The following RNF182 variants were observed in gnomAD, a reference collection of about 807,000 sequenced individuals.
RNF182 encodes the protein ring finger protein 182, also known as E3 ubiquitin-protein ligase RNF182.
RNF182 carries 15 observed loss-of-function variants against 14.4 expected under a neutral mutation model. The ratio of observed to expected loss-of-function variants is 1.04; its 90% CI spans 0.70 to 1.60. The LOEUF is 1.60. Among genes scored for constraint, RNF182 ranks in the 40% most tolerant of loss-of-function variants. The pLI, the probability that RNF182 is intolerant of heterozygous loss-of-function variation, is 0.00. For synonymous variants in RNF182, 128 were observed against 122.9 expected (o/e 1.04, Z -0.27); for missense variants, 268 against 294.8 (o/e 0.91, Z 0.67).
At chr6:13,930,964 C>T (rs1758954372) in intron 1 of RNF182, among the ~76,000 whole-genome samples, 1 of 152,208 alleles carries the variant, frequency 6.6e-6, no homozygotes, top group African/African-American at 2.4e-5. Context: ...AAATGCCTTT[C>T]TGCTGCAGTG....
At chr6:13,924,828 G>A (rs1758768957), upstream of RNF182, 1 of 151,234 alleles carries the variant, frequency 6.6e-6, no homozygotes, top group Admixed American at 6.6e-5. Context: ...CCGGACTGCT[G>A]AGGGGAAGGG....
intron 1 of RNF182, among the ~76,000 whole-genome samples, chr6:13,929,695 TATG>T (rs1293881989): frequency 6.6e-6 from 1 of 152,214 alleles, no homozygotes; most frequent in African/African-American, 2.4e-5. Context: ...AGGAAACTAA[TATG>T]ATCACTTTCT....
intron 1 of RNF182, among the ~76,000 whole-genome samples, chr6:13,927,679 T>C (rs1372761784): frequency 1.3e-5 from 2 of 152,250 alleles, no homozygotes; most frequent in Non-Finnish European, 2.9e-5. Context: ...TAAGCCTGCA[T>C]AGGCAGCCTA....
chr6:13,938,569 A>T (rs985087628), intron 1 of RNF182, among the ~76,000 whole-genome samples: 10 of 152,002 alleles, frequency 6.6e-5, no homozygotes, highest in African/African-American at 2.2e-4. Flanking sequence ...AAGAAGTTTT[A>T]TTGTTTTACT....
intron 1 of RNF182, 63 bp downstream of exon 1, chr6:13,925,086 G>T (rs2113567303): frequency 6.7e-6 from 1 of 149,700 alleles, no homozygotes; most frequent in Admixed American, 6.7e-5. Flanking sequence ...CCCAACGCTG[G>T]GGCAGCAGCC....
chr6:13,976,861 G>A (rs1184991494), intron 2 of RNF182, 48 bp from the exon 3 acceptor site: 12 of 403,692 alleles, frequency 3.0e-5, no homozygotes, highest in East Asian at 1.5e-4. Flanking sequence ...CAGAAACACC[G>A]TTTCAGTGAA....
chr6:13,954,114 G>A (rs188288407), intron 1 of RNF182, among the ~76,000 whole-genome samples: 1 of 152,136 alleles, frequency 6.6e-6, no homozygotes, highest in East Asian at 1.9e-4. Context: ...TCAACATATG[G>A]CCAATCTTGC....
intron 1 of RNF182, among the ~76,000 whole-genome samples, chr6:13,959,756 A>AATTTGGTGG (rs1759819626): frequency 6.6e-6 from 1 of 152,152 alleles, no homozygotes; most frequent in South Asian, 2.1e-4. Context: ...TGCAGGAAAC[A>AATTTGGTGG]ATTTGGTGGT....
At chr6:13,934,897 C>T (rs561993604) in intron 1 of RNF182, among the ~76,000 whole-genome samples, 2 of 152,242 alleles carry the variant, frequency 1.3e-5, no homozygotes, top group African/African-American at 4.8e-5. Context: ...CAGACAGAAT[C>T]AGTGCAAAGG....
intron 1 of RNF182, among the ~76,000 whole-genome samples, chr6:13,957,577 T>C (rs181149866): frequency 6.6e-6 from 1 of 152,342 alleles, no homozygotes; most frequent in African/African-American, 2.4e-5. Context: ...TCTCATGAGA[T>C]GTTGTAGCCA....
chr6:13,969,971 T>C (rs9476188), intron 1 of RNF182, among the ~76,000 whole-genome samples: 5 of 152,184 alleles, frequency 3.3e-5, no homozygotes, highest in African/African-American at 7.2e-5. Context: ...CTTGTTCTTA[T>C]CAAGGCATGC....
chr6:13,966,795 A>G (rs976637738), intron 1 of RNF182, among the ~76,000 whole-genome samples: 2 of 129,320 alleles, frequency 1.5e-5, no homozygotes, highest in African/African-American at 5.6e-5. Flanking sequence ...AAAAAAGTAA[A>G]ACCCAGTAGT....
chr6:13,946,139 A>ATATTAT, intron 1 of RNF182, among the ~76,000 whole-genome samples: 1 of 66,790 alleles, frequency 1.5e-5, no homozygotes, highest in South Asian at 5.1e-4. Context: ...TTAAAGCAAA[A>ATATTAT]CATTATTATT....
At chr6:13,970,967 C>T (rs973716440) in intron 1 of RNF182, among the ~76,000 whole-genome samples, 1 of 151,986 alleles carries the variant, frequency 6.6e-6, no homozygotes, top group Non-Finnish European at 1.5e-5. Context: ...AAAGATAACA[C>T]TAGTACAGAA....
chr6:13,965,345 CAT>C (rs1045009950), intron 1 of RNF182, among the ~76,000 whole-genome samples: 4 of 152,088 alleles, frequency 2.6e-5, no homozygotes, highest in African/African-American at 9.6e-5. Context: ...GGAAATATAA[CAT>C]GTGAGTAACA....
intron 1 of RNF182, among the ~76,000 whole-genome samples, chr6:13,946,008 A>G (rs902585731): frequency 1.3e-5 from 2 of 152,148 alleles, no homozygotes; most frequent in African/African-American, 4.8e-5. Flanking sequence ...TGCCTTAGGT[A>G]TAATGCTTAT....
At chr6:13,964,597 G>C (rs771093537) in intron 1 of RNF182, among the ~76,000 whole-genome samples, 2 of 152,162 alleles carry the variant, frequency 1.3e-5, no homozygotes, top group Non-Finnish European at 2.9e-5. Context: ...CTGAGTGCAA[G>C]TGAAACCCCA....
At chr6:13,956,585 A>G (rs958683257) in intron 1 of RNF182, among the ~76,000 whole-genome samples, 1 of 152,106 alleles carries the variant, frequency 6.6e-6, no homozygotes, top group African/African-American at 2.4e-5. Context: ...TTGGCCTCCC[A>G]GAGTGCTGGG....
intron 1 of RNF182, among the ~76,000 whole-genome samples, chr6:13,927,457 T>C (rs546834780): frequency 6.6e-6 from 1 of 152,204 alleles, no homozygotes; most frequent in African/African-American, 2.4e-5. Context: ...CTTACGGGTT[T>C]TAATTTTATG....
Sources: allele counts gnomAD v4.1 joint callset (sites outside exome capture counted in the v4.1 genomes callset), GRCh38; gene constraint gnomAD v4.1.1; transcripts MANE v1.5; gene names NCBI Gene and HGNC (gene_info 2026-07-23, HGNC 2026-07-21).